The following LUZP2 variants were observed in gnomAD, a reference collection of about 807,000 sequenced individuals.
LUZP2 encodes the protein leucine zipper protein 2.
In LUZP2, 52 loss-of-function variants were observed where a neutral mutation model predicts 51.6. The ratio of observed to expected loss-of-function variants is 1.01; its 90% CI spans 0.81 to 1.27. The LOEUF (loss-of-function observed/expected upper bound fraction) is 1.27, where lower values mean the gene tolerates loss of function less well. Ranked by LOEUF, LUZP2 falls within the 50% of genes most tolerant of loss-of-function variation. The probability of loss-of-function intolerance (pLI) is 0.00; values close to 1 mark genes in which losing one functional copy is unlikely to be tolerated. For synonymous variants in LUZP2, 154 were observed against 137.3 expected, an observed-to-expected ratio of 1.12 and a Z score of -0.85; for missense variants, 436 against 395.4, an observed-to-expected ratio of 1.10 and a Z score of -0.87.
chr11:25,045,397 A>G (rs1234850901), intron 9 of LUZP2, among the ~76,000 whole-genome samples: 1 of 151,958 alleles, frequency 6.6e-6, no homozygotes, highest in African/African-American at 2.4e-5. Flanking sequence ...GAAAAAAAAA[A>G]AAAAGAAAGT....
chr11:24,692,632 C>T (rs1475966625), intron 1 of LUZP2, among the ~76,000 whole-genome samples: 1 of 151,982 alleles, frequency 6.6e-6, no homozygotes, highest in Admixed American at 6.6e-5. Context: ...CCAGTTTCTT[C>T]ATCATAAAAG....
At chr11:24,529,594 G>C (rs914644507) in intron 1 of LUZP2, among the ~76,000 whole-genome samples, 2 of 150,794 alleles carry the variant, frequency 1.3e-5, no homozygotes, top group Non-Finnish European at 3.0e-5. Context: ...GAATCAATAA[G>C]AATAAGACAT....
intron 5 of LUZP2, among the ~76,000 whole-genome samples, chr11:24,773,437 TA>T (rs1288666910): frequency 6.6e-6 from 1 of 152,136 alleles, no homozygotes; most frequent in Non-Finnish European, 1.5e-5. Context: ...TGGAAGAAGA[TA>T]AAGTACATTC....
At chr11:24,839,228 C>T (rs1850951949) in intron 5 of LUZP2, among the ~76,000 whole-genome samples, 1 of 151,496 alleles carries the variant, frequency 6.6e-6, no homozygotes, top group African/African-American at 2.4e-5. Flanking sequence ...TCTCCAGGAA[C>T]CCCATATGTG....
intron 5 of LUZP2, among the ~76,000 whole-genome samples, chr11:24,854,326 G>C (rs975519820): frequency 1.3e-5 from 2 of 152,244 alleles, no homozygotes; most frequent in African/African-American, 4.8e-5. Flanking sequence ...GGCCCAGAGA[G>C]AAGGAATGTA....
rs1318768041 is a variant in LUZP2, at chr11:24,611,275, A to C, written c.62+113970A>C. Among the ~76,000 whole-genome samples the C allele has an allele frequency of 6.6e-6, 1 of 152,180 alleles. No homozygotes were observed. Among genetic ancestry groups the C allele is most frequent in the Non-Finnish European group, 1.5e-5 (1 of 68,032 alleles). Reference sequence around the variant, plus strand: ...TTGCCCTCAAGCAACTCAAAGCTTAAGGGAGCAAAATAATAACAAAAATGC... The same window carrying C: ...TTGCCCTCAAGCAACTCAAAGCTTACGGGAGCAAAATAATAACAAAAATGC... On this transcript the variant is annotated intron_variant, in intron 1 of 11. Coordinates refer to ENST00000336930, the MANE Select transcript of LUZP2 (RefSeq NM_001009909.4). This position sits in a 1 kb window ranked among gnomAD's most constrained non-coding sequence, Gnocchi z 4.6.
intron 1 of LUZP2, among the ~76,000 whole-genome samples, chr11:24,580,333 G>C (rs1407328374): frequency 6.6e-6 from 1 of 152,064 alleles, no homozygotes; most frequent in Non-Finnish European, 1.5e-5. Flanking sequence ...CAGGCAATTA[G>C]AAATAAAACA....
chr11:25,030,885 T>TTTATA, intron 9 of LUZP2, among the ~76,000 whole-genome samples: 2 of 6,982 alleles, frequency 2.9e-4, no homozygotes, highest in East Asian at 0.091. Flanking sequence ...TGTGTTACTA[T>TTTATA]ATATATTATA....
At chr11:24,562,409 A>C (rs1852073228) in intron 1 of LUZP2, among the ~76,000 whole-genome samples, 1 of 151,916 alleles carries the variant, frequency 6.6e-6, no homozygotes, top group Non-Finnish European at 1.5e-5. Context: ...ACCCCAAGGG[A>C]TATAGTTCAC....
At chr11:24,925,036 C>A (rs914953191) in intron 7 of LUZP2, among the ~76,000 whole-genome samples, 1 of 152,094 alleles carries the variant, frequency 6.6e-6, no homozygotes, top group African/African-American at 2.4e-5. Context: ...GAAAAGGATT[C>A]TTTACAGAAT....
At chr11:24,918,823 A>G (rs1590728717) in intron 7 of LUZP2, among the ~76,000 whole-genome samples, 1 of 137,230 alleles carries the variant, frequency 7.3e-6, no homozygotes, top group Non-Finnish European at 1.5e-5. Context: ...ATATATACAC[A>G]TATATCTCCA....
chr11:24,661,646 T>C (rs541074446), intron 1 of LUZP2, among the ~76,000 whole-genome samples: 1 of 152,326 alleles, frequency 6.6e-6, no homozygotes, highest in East Asian at 1.9e-4. Context: ...TGAAATCCAA[T>C]GTATTCTAGA....
At chr11:24,509,767 G>A (rs1017185625) in intron 1 of LUZP2, among the ~76,000 whole-genome samples, 1 of 151,546 alleles carries the variant, frequency 6.6e-6, no homozygotes, top group East Asian at 1.9e-4. Flanking sequence ...AGGCTTATTT[G>A]GTAACACACT....
intron 7 of LUZP2, among the ~76,000 whole-genome samples, chr11:24,924,595 A>G (rs1854171791): frequency 6.6e-6 from 1 of 152,160 alleles, no homozygotes; most frequent in South Asian, 2.1e-4. Flanking sequence ...TTAATTTAGA[A>G]GTTTATTTTG....
At chr11:24,610,143 T>C (rs1355473579) in intron 1 of LUZP2, among the ~76,000 whole-genome samples, 1 of 152,154 alleles carries the variant, frequency 6.6e-6, no homozygotes, top group Non-Finnish European at 1.5e-5. Context: ...AAGAATGGCG[T>C]TCGAAGAGGA....
At chr11:24,606,736 C>T (rs1167803367) in intron 1 of LUZP2, among the ~76,000 whole-genome samples, 2 of 151,904 alleles carry the variant, frequency 1.3e-5, no homozygotes, top group African/African-American at 2.4e-5. Context: ...TACTGTTTTT[C>T]GTATTGATTA....
intron 5 of LUZP2, among the ~76,000 whole-genome samples, chr11:24,804,485 AAG>A (rs1281415515): frequency 2.6e-5 from 4 of 152,116 alleles, no homozygotes; most frequent in African/African-American, 9.7e-5. Flanking sequence ...ACCAAAGAAA[AAG>A]AGAGGTTTGT....
chr11:24,817,797 T>C (rs1003378636), intron 5 of LUZP2, among the ~76,000 whole-genome samples: 33 of 152,034 alleles, frequency 2.2e-4, no homozygotes, highest in African/African-American at 8.0e-4. Context: ...CAGGAAATGG[T>C]ATTACTAAGT....
rs764567545 is a variant in LUZP2, at chr11:24,565,026, C to T, written c.62+67721C>T. ...ACAGGCATGGAGTAATTAATGGGGA[C>T]ATCGTATCCACAAAATACTATTTTT... On this transcript the variant is annotated intron_variant, in intron 1 of 11. Coordinates refer to ENST00000336930, the MANE Select transcript of LUZP2 (RefSeq NM_001009909.4). 2.5e-4 allele frequency among the ~76,000 whole-genome samples: 38 copies of T among 152,264 alleles called. No homozygotes were observed. In the Middle Eastern group the frequency reaches 0.01, roughly 41 times the overall value.
Sources: gnomAD v4.1 joint callset for allele counts (sites outside exome capture counted in the v4.1 genomes callset) on GRCh38, gnomAD v4.1.1 for gene constraint, Gnocchi (gnomAD v3.1) non-coding constraint, MANE v1.5 for transcripts, NCBI Gene and HGNC (gene_info 2026-07-23, HGNC 2026-07-21) for gene names.